TENM3: variants seen among roughly 807,000 people sequenced by gnomAD.
TENM3 encodes teneurin transmembrane protein 3.
In TENM3, 63 loss-of-function variants were observed where a neutral mutation model predicts 255.1. The ratio of observed to expected loss-of-function variants is 0.25; its 90% CI spans 0.20 to 0.30. The LOEUF is 0.30. Ranked by LOEUF, TENM3 falls within the 10% of genes least tolerant of loss-of-function variation. The pLI is 1.00. For missense variants in TENM3, 2,929 were observed against 3,461.1 expected, an observed-to-expected ratio of 0.85 and a Z score of 3.86; for synonymous variants, 1,306 against 1,322.3, an observed-to-expected ratio of 0.99 and a Z score of 0.27.
the TENM3 span, among the ~76,000 whole-genome samples, chr4:181,876,023 A>G: frequency 2.0e-5 from 3 of 152,232 alleles, no homozygotes; most frequent in Non-Finnish European, 2.9e-5. Context: ...TAAAGGTACA[A>G]TGTCCTCTGG....
chr4:182,572,580 C>T (rs1744504202), intron 3 of TENM3, among the ~76,000 whole-genome samples: 3 of 152,176 alleles, frequency 2.0e-5, no homozygotes, highest in Non-Finnish European at 4.4e-5. Flanking sequence ...GAAACCTACT[C>T]ATTCACAGAT....
At chr4:181,554,336 G>C in the TENM3 span, among the ~76,000 whole-genome samples, 1,410 of 152,248 alleles carry the variant, frequency 9.3e-3, 28 homozygotes, top group African/African-American at 0.032. Flanking sequence ...TGAGTTTAAC[G>C]GGGAGGGCTG....
the TENM3 span, among the ~76,000 whole-genome samples, chr4:182,026,730 A>G: frequency 6.6e-5 from 10 of 152,190 alleles, no homozygotes; most frequent in South Asian, 2.1e-4. Context: ...CTTTTCCCCA[A>G]TGTATGTTTT....
At chr4:182,321,715 G>A (rs1191191469) in intron 1 of TENM3, among the ~76,000 whole-genome samples, 3 of 152,076 alleles carry the variant, frequency 2.0e-5, no homozygotes, top group Non-Finnish European at 4.4e-5. Flanking sequence ...GGAGGCTGAA[G>A]TGGGCGGATC....
At chr4:182,750,492 C>T (rs546538304) in intron 19 of TENM3, among the ~76,000 whole-genome samples, 2 of 152,100 alleles carry the variant, frequency 1.3e-5, no homozygotes, top group Non-Finnish European at 2.9e-5. Context: ...AATAGAATCT[C>T]TTACAGGAAT....
chr4:182,455,010 G>A (rs1773754098), intron 3 of TENM3, among the ~76,000 whole-genome samples: 1 of 152,080 alleles, frequency 6.6e-6, no homozygotes, highest in African/African-American at 2.4e-5. Context: ...TTTATCATAT[G>A]AAAGAAAAAA....
At chr4:181,475,265 C>A in the TENM3 span, among the ~76,000 whole-genome samples, 3 of 152,188 alleles carry the variant, frequency 2.0e-5, no homozygotes, top group African/African-American at 7.2e-5. Flanking sequence ...GGACCTGACA[C>A]AACAAAGTCA....
At position 182,524,117 on chromosome 4, in the gene TENM3, G is replaced by A. The variant is rs544041711; in HGVS notation, c.512-76807G>A. Among the ~76,000 whole-genome samples the A allele has an allele frequency of 4.5e-4, 69 of 152,112 alleles. 1 individual carries two copies. The highest frequency in any genetic ancestry group is 1.2e-3 in the Admixed American group (19 of 15,274). Reference sequence around the variant, plus strand: ...TTGGATGCAGTCATCCTCTTTTTACGTTTAAAGTCCAGTCTATTAGAAGAC... The same window carrying A: ...TTGGATGCAGTCATCCTCTTTTTACATTTAAAGTCCAGTCTATTAGAAGAC... On this transcript the variant is annotated intron_variant, in intron 3 of 27. Transcript: ENST00000511685.
intron 1 of TENM3, among the ~76,000 whole-genome samples, chr4:182,267,071 T>C (rs569329980): frequency 8.5e-5 from 13 of 152,310 alleles, no homozygotes; most frequent in Non-Finnish European, 1.6e-4. Context: ...CATAGAAAAC[T>C]AAAATGTTCA....
At chr4:182,497,278 C>T (rs920625506) in intron 3 of TENM3, among the ~76,000 whole-genome samples, 6 of 152,056 alleles carry the variant, frequency 3.9e-5, no homozygotes, top group South Asian at 4.2e-4. Flanking sequence ...GCCTTGATCT[C>T]CTGACCTAGT....
chr4:182,238,275 C>G (rs1346314398), intron 1 of TENM3, among the ~76,000 whole-genome samples: 1 of 152,188 alleles, frequency 6.6e-6, no homozygotes, highest in Non-Finnish European at 1.5e-5. Flanking sequence ...CAAAAGTTTT[C>G]CAACAACTGA....
intron 3 of TENM3, among the ~76,000 whole-genome samples, chr4:182,478,451 T>G (rs1282515460): frequency 6.7e-6 from 1 of 148,348 alleles, no homozygotes; most frequent in Non-Finnish European, 1.5e-5. Context: ...ATATGTAGAG[T>G]TTTTTTTTTA....
chr4:181,647,464 G>C, the TENM3 span, among the ~76,000 whole-genome samples: 2 of 152,212 alleles, frequency 1.3e-5, no homozygotes, highest in Non-Finnish European at 2.9e-5. Flanking sequence ...TAATTAAGAA[G>C]AGTAGCAAAA....
Position 182,730,953 on chromosome 4 carries a change from T to C in TENM3, c.2781T>C (p.His927=), listed in dbSNP as rs61735739. 1.2e-3 allele frequency: 1,918 copies of C among 1,613,960 alleles called. 22 individuals carry two copies. The African/African-American group carries it at 0.024, about 20-fold the overall frequency. ...GATCCCCATTCCTCACTCAGTATCATACTGTGTGGATTCCATGGAATGTCT... is the reference window on the plus strand; with the variant it reads ...GATCCCCATTCCTCACTCAGTATCACACTGTGTGGATTCCATGGAATGTCT... ...FERSPFLTQY[H]TVWIPWNVFY... The change falls in exon 16 of 28, where the codon CAT becomes CAC. Residue 927 remains histidine, a synonymous_variant. Coordinates refer to ENST00000511685, the MANE Select transcript of TENM3 (RefSeq NM_001080477.4).
chr4:181,940,641 T>C, the TENM3 span, among the ~76,000 whole-genome samples: 8 of 152,172 alleles, frequency 5.3e-5, no homozygotes, highest in African/African-American at 1.9e-4. Context: ...GGTGGACTCA[T>C]TGAAAAGGTA....
the TENM3 span, among the ~76,000 whole-genome samples, chr4:182,042,615 A>G: frequency 2.4e-4 from 36 of 152,226 alleles, no homozygotes; most frequent in African/African-American, 8.4e-4. Context: ...TTCTAAATAA[A>G]TTACAAAATA....
At chr4:181,687,551 C>T in the TENM3 span, among the ~76,000 whole-genome samples, 7 of 152,198 alleles carry the variant, frequency 4.6e-5, no homozygotes, top group East Asian at 1.4e-3. Flanking sequence ...TTTAAAAAGC[C>T]ATCTATATCC....
chr4:182,557,839 C>T (rs114933756), intron 3 of TENM3, among the ~76,000 whole-genome samples: 150 of 152,270 alleles, frequency 9.9e-4, no homozygotes, highest in African/African-American at 3.5e-3. Flanking sequence ...AACACTTTTA[C>T]CTAGATGTCT....
At chr4:181,515,053 C>G in the TENM3 span, among the ~76,000 whole-genome samples, 1 of 152,210 alleles carries the variant, frequency 6.6e-6, no homozygotes, top group South Asian at 2.1e-4. Context: ...TGGTTAAAGA[C>G]AATCTTCAAT....
Sources: allele counts gnomAD v4.1 joint callset (sites outside exome capture counted in the v4.1 genomes callset), GRCh38; gene constraint gnomAD v4.1.1; transcripts MANE v1.5; gene names NCBI Gene and HGNC (gene_info 2026-07-23, HGNC 2026-07-21).